The following SFT2D1 variants were observed in gnomAD, a reference collection of about 807,000 sequenced individuals.
SFT2D1 encodes vesicle transport protein SFT2A.
Under a neutral mutation model 28.1 loss-of-function variants are expected in SFT2D1, and 24 were observed. That is an observed-to-expected ratio of 0.85 (90% CI 0.62 to 1.20). The LOEUF is 1.20. Among genes scored for constraint, SFT2D1 ranks in the 50% most tolerant of loss-of-function variants. SFT2D1 has a pLI of 0.00. For synonymous variants in SFT2D1, 82 were observed against 73.7 expected (o/e 1.11, Z -0.58); for missense variants, 181 against 190.9 (o/e 0.95, Z 0.31).
intron 4 of SFT2D1, among the ~76,000 whole-genome samples, chr6:166,326,824 C>A (rs1004778676): frequency 6.6e-6 from 1 of 152,170 alleles, no homozygotes; most frequent in African/African-American, 2.4e-5. Context: ...TTGTAAGGTA[C>A]AGTATGTTAC....
rs552676528 is a variant in SFT2D1, at chr6:166,326,723, G to A, written c.316-556C>T. ...CCACCATTACTAGGCGTGATCTTAC[G>A]TGGGCAGCAAATCAAACCACGCAAA... On this transcript the variant is annotated intron_variant, in intron 4 of 7. Coordinates refer to ENST00000361731, the MANE Select transcript of SFT2D1 (RefSeq NM_145169.3). Among the ~76,000 whole-genome samples the A allele has an allele frequency of 3.9e-5, 6 of 152,348 alleles. No individual in the cohort carries two copies. In the South Asian group the frequency reaches 6.2e-4, roughly 16 times the overall value.
At chr6:166,335,718 A>G (rs890617724) in intron 1 of SFT2D1, among the ~76,000 whole-genome samples, 2 of 152,242 alleles carry the variant, frequency 1.3e-5, no homozygotes, top group Non-Finnish European at 2.9e-5. Flanking sequence ...TGGTTCTAGT[A>G]GCAGCAGTAG....
At chr6:166,334,743 G>A (rs1026483523) in intron 1 of SFT2D1, 6 of 346,304 alleles carry the variant, frequency 1.7e-5, no homozygotes, top group African/African-American at 1.3e-4. Flanking sequence ...CAAGCACCAA[G>A]CACTCTGGGG....
At chr6:166,323,006 A>G (rs1583033453) in intron 6 of SFT2D1, 120 bp from the exon 7 acceptor site, 2 of 751,166 alleles carry the variant, frequency 2.7e-6, no homozygotes, top group Non-Finnish European at 4.5e-6. Flanking sequence ...GTGGTTCTCA[A>G]AGTGTGACCC....
rs1778510755 is a variant in SFT2D1 at position 166,329,517 on chromosome 6, C to G, written c.223G>C (p.Ala75Pro). Residue 75 changes from alanine (A) to proline (P), a missense_variant, in exon 3 of 8, where the codon GCG becomes CCG. Physicochemically the swap from Ala to Pro is conservative, Grantham distance 27. Transcript: ENST00000361731. ...AVFYTLGNLAALASTCFLMGP... is the reference protein window; with the variant it reads ...AVFYTLGNLAPLASTCFLMGP... ...AGAAGCCAAACGTACCTGGCTAACG[C>G]AGCAAGATTGCCGAGGGTATAAAAC... 2 of 1,607,974 alleles carry G rather than the reference C, an allele frequency of 1.2e-6. No homozygotes were observed. Among genetic ancestry groups the G allele is most frequent in the Admixed American group, 1.7e-5 (1 of 59,876 alleles).
At chr6:166,341,665 C>T (rs1778784524) in intron 1 of SFT2D1, among the ~76,000 whole-genome samples, 1 of 152,094 alleles carries the variant, frequency 6.6e-6, no homozygotes, top group African/African-American at 2.4e-5. Flanking sequence ...TTTTAAACGT[C>T]CAACTTCTGC....
chr6:166,335,355 G>A (rs1778627540), intron 1 of SFT2D1: 1 of 576,340 alleles, frequency 1.7e-6, no homozygotes, highest in Non-Finnish European at 3.3e-6. Context: ...GGTGGCAGAA[G>A]CTCCAATGAT....
intron 1 of SFT2D1, among the ~76,000 whole-genome samples, chr6:166,337,120 C>A (rs1778670447): frequency 6.6e-6 from 1 of 152,218 alleles, no homozygotes; most frequent in Non-Finnish European, 1.5e-5. Flanking sequence ...GGCAGTGTAG[C>A]CCCTGGGGAG....
intron 1 of SFT2D1, among the ~76,000 whole-genome samples, chr6:166,339,436 A>G (rs1778727548): frequency 6.6e-6 from 1 of 151,988 alleles, no homozygotes; most frequent in Non-Finnish European, 1.5e-5. Flanking sequence ...AACATCCAGT[A>G]TTTTCCTTGG....
At chr6:166,333,458 G>T (rs879674971) in intron 1 of SFT2D1, among the ~76,000 whole-genome samples, 9 of 152,166 alleles carry the variant, frequency 5.9e-5, no homozygotes, top group African/African-American at 2.2e-4. Flanking sequence ...TCTCCGACCC[G>T]TTTCTTCTGG....
At position 166,342,486 on chromosome 6, in the gene SFT2D1, C is replaced by G. The variant is rs775172453; in HGVS notation, c.-5G>C. On this transcript the variant is annotated 5_prime_UTR_variant, in exon 1 of 8. Transcript: ENST00000361731. Reference sequence around the variant, plus strand: ...GACTCGCCGCAGCTTCTCCATGGCCCTGTTACAGGGCCGTAGCGGCCGCCA... The same window carrying G: ...GACTCGCCGCAGCTTCTCCATGGCCGTGTTACAGGGCCGTAGCGGCCGCCA... The G allele has an allele frequency of 3.2e-6, 5 of 1,550,384 alleles. No homozygotes were observed. The highest frequency in any genetic ancestry group is 4.4e-6 in the Non-Finnish European group (5 of 1,147,560).
intron 1 of SFT2D1, among the ~76,000 whole-genome samples, chr6:166,341,055 A>G (rs952029707): frequency 6.6e-6 from 1 of 152,250 alleles, no homozygotes; most frequent in African/African-American, 2.4e-5. Context: ...GCTGTTTAAT[A>G]CAGTAGCCTT....
chr6:166,338,387 A>C (rs575655097), intron 1 of SFT2D1, among the ~76,000 whole-genome samples: 1 of 152,208 alleles, frequency 6.6e-6, no homozygotes, highest in Non-Finnish European at 1.5e-5. Flanking sequence ...CACAGAAAGG[A>C]ATAAGACAGC....
chr6:166,328,244 A>G lies in SFT2D1; in HGVS notation c.315+32T>C, dbSNP rs756836180. The G allele has an allele frequency of 5.6e-6, 8 of 1,420,954 alleles. 1 individual carries two copies. The South Asian group carries it at 1.0e-4, about 18-fold the overall frequency. 88.0% of individuals were successfully genotyped at this position (1,420,954 alleles called of 1,614,324 possible). A position where few individuals can be genotyped will look rare whatever the true frequency, so the allele number is the denominator to read the frequency against. On this transcript the variant is annotated intron_variant, in intron 4 of 7. Coordinates refer to ENST00000361731, the MANE Select transcript of SFT2D1 (RefSeq NM_145169.3). ...AAATAACAGTGCAAAGAATACTTCA[A>G]TAAAAGTTTTAAAAATGTATTATTT...
At chr6:166,341,251 G>A (rs910328779) in intron 1 of SFT2D1, among the ~76,000 whole-genome samples, 9 of 152,068 alleles carry the variant, frequency 5.9e-5, no homozygotes, top group Non-Finnish European at 8.8e-5. Context: ...TTCGAGACCA[G>A]CCTGACCAAC....
chr6:166,332,876 T>C (rs1353444741), intron 1 of SFT2D1, among the ~76,000 whole-genome samples: 2 of 152,280 alleles, frequency 1.3e-5, no homozygotes, highest in African/African-American at 2.4e-5. Context: ...AATGTAGTCC[T>C]AGCAGCAACA....
At chr6:166,332,730 G>A (rs912150314) in intron 1 of SFT2D1, among the ~76,000 whole-genome samples, 1 of 152,234 alleles carries the variant, frequency 6.6e-6, no homozygotes, top group Non-Finnish European at 1.5e-5. Flanking sequence ...ACCAGAGGAA[G>A]AGGAAGCCAA....
At chr6:166,328,954 C>G (rs1188890654) in intron 3 of SFT2D1, among the ~76,000 whole-genome samples, 1 of 152,228 alleles carries the variant, frequency 6.6e-6, no homozygotes, top group African/African-American at 2.4e-5. Context: ...TAATTCTCTG[C>G]ACAGCACCAA....
Position 166,326,165 on chromosome 6 carries a change from C to A in SFT2D1, c.318G>T (p.Leu106Phe), listed in dbSNP as rs1043306690. Residue 106 changes from leucine (L) to phenylalanine (F), a missense_variant and splice_region_variant, in exon 5 of 8, where the codon TTG becomes TTT. Leu to Phe is a conservative substitution (Grantham distance 22, BLOSUM62 0). Coordinates refer to ENST00000361731, the MANE Select transcript of SFT2D1 (RefSeq NM_145169.3). ...CAGCACACAGGGTAAATATGAAACA[C>A]AACTACAGGGGAAGAAAGAGTAGAT... ...TRLLATIVML[L>F]CFIFTLCAAL... The A allele has an allele frequency of 1.2e-6, 2 of 1,613,332 alleles. No individual in the cohort carries two copies. Among genetic ancestry groups the A allele is most frequent in the Non-Finnish European group, 1.7e-6 (2 of 1,179,468 alleles).
Sources: gnomAD v4.1 joint callset for allele counts (sites outside exome capture counted in the v4.1 genomes callset) on GRCh38, gnomAD v4.1.1 for gene constraint, MANE v1.5 for transcripts, NCBI Gene and HGNC (gene_info 2026-07-23, HGNC 2026-07-21) for gene names.